Variants in RPS6KA6 observed in about 807,000 individuals in gnomAD.
The protein encoded by RPS6KA6 is ribosomal protein S6 kinase alpha-6.
RPS6KA6 carries 27 observed loss-of-function variants against 65.4 expected under a neutral mutation model. That is an observed-to-expected ratio of 0.41 (90% CI 0.30 to 0.57). RPS6KA6 has a LOEUF of 0.57. Among genes scored for constraint, RPS6KA6 ranks in the 20% least tolerant of loss-of-function variants. The pLI is 0.24. For synonymous variants in RPS6KA6, 190 were observed against 184.2 expected, an observed-to-expected ratio of 1.03 and a Z score of -0.26; for missense variants, 486 against 555.6, an observed-to-expected ratio of 0.87 and a Z score of 1.26.
intron 2 of RPS6KA6, among the ~76,000 whole-genome samples, chrX:84,161,557 A>C (rs2035511649): frequency 9.0e-6 from 1 of 111,657 alleles, no homozygotes; most frequent in African/African-American, 3.2e-5. Flanking sequence ...AAAGACAAAT[A>C]GAGGAAAAAA....
rs772054672 is a variant in RPS6KA6 at position 84,173,724 on chromosome X, G to A, written c.82-9337C>T. On this transcript the variant is annotated intron_variant, in intron 1 of 21. Coordinates refer to ENST00000262752, the MANE Select transcript of RPS6KA6 (RefSeq NM_014496.5). The stretch of plus-strand genomic sequence containing the variant: ...CCAGGCTGCAGTGCAGTGGCAGTGC[G>A]ATCACAGCTCATTGTAACCTCAAAC... 1.7e-3 allele frequency among the ~76,000 whole-genome samples: 193 copies of A among 111,537 alleles called. 1 individual carries two copies. The highest frequency in any genetic ancestry group is 1.7e-3 in the Non-Finnish European group (92 of 53,104).
chrX:84,097,672 A>G, intron 19 of RPS6KA6, 100 bp downstream of exon 19: 1 of 506,287 alleles, frequency 2.0e-6, no homozygotes, highest in African/African-American at 2.4e-5. Context: ...TGTAAATGTC[A>G]TTTTCCTTAA....
chrX:84,156,284 A>G (rs895764193), intron 2 of RPS6KA6, 93 bp from the exon 3 acceptor site: 1 of 485,222 alleles, frequency 2.1e-6, no homozygotes, highest in Non-Finnish European at 3.6e-6. Flanking sequence ...GAAATACCCA[A>G]CTCCCTCAAT....
rs765670476 is a variant in RPS6KA6, at chrX:84,106,355, G to A, written c.1365+10C>T. ...AAAACAAACAAGAAAGCTAGGCTCA[G>A]AGACAATACCTTCACTGCAAATTCC... is the stretch of plus-strand genomic sequence containing the variant. On this transcript the variant is annotated intron_variant, in intron 15 of 21. Coordinates refer to ENST00000262752, the MANE Select transcript of RPS6KA6 (RefSeq NM_014496.5). 5 of 1,199,478 alleles carry A rather than the reference G, an allele frequency of 4.2e-6. No homozygotes were observed. The highest frequency in any genetic ancestry group is 5.6e-6 in the Non-Finnish European group (5 of 889,233).
chrX:84,171,935 C>T (rs1458761803), intron 1 of RPS6KA6, among the ~76,000 whole-genome samples: 1 of 110,833 alleles, frequency 9.0e-6, no homozygotes, highest in Non-Finnish European at 1.9e-5. Context: ...ATGTGGTGTT[C>T]GGTTTTCTGT....
chrX:84,063,888 CT>C lies in RPS6KA6; in HGVS notation c.*388del. The C allele has an allele frequency of 8.8e-6, 1 of 113,620 alleles. No homozygotes were observed. The highest frequency in any genetic ancestry group is 1.8e-5 in the Non-Finnish European group (1 of 54,578). The allele number at this position is 113,620 out of a possible 1,213,427, so 9.4% of individuals were successfully genotyped here. Reference sequence around the variant, plus strand: ...CTTCAGGATCTGATGTTTAAAAATACTAACATTGCTTGTCATTATACTATTA... The same window carrying C: ...CTTCAGGATCTGATGTTTAAAAATACAACATTGCTTGTCATTATACTATTA... On this transcript the variant is annotated 3_prime_UTR_variant, in exon 22 of 22. Transcript: ENST00000262752.
chrX:84,097,197 A>C (rs1290807467), intron 19 of RPS6KA6, among the ~76,000 whole-genome samples: 1 of 111,813 alleles, frequency 8.9e-6, no homozygotes, highest in African/African-American at 3.2e-5. Flanking sequence ...TCACTTCTAA[A>C]TAAAAGTGCT....
chrX:84,063,010 T>C lies in RPS6KA6; in HGVS notation c.*1267A>G, dbSNP rs1174985232. The C allele has an allele frequency of 9.0e-6, 1 of 110,817 alleles. No individual in the cohort carries two copies. The highest frequency in any genetic ancestry group is 1.9e-5 in the Non-Finnish European group (1 of 52,856). 9.1% of individuals were successfully genotyped at this position (110,817 alleles called of 1,213,427 possible). ...CGGTATTTTCTTCAACAACGTGAAATGATTCTTTAGCATTTCATCATTTAG... is the reference window on the plus strand; with the variant it reads ...CGGTATTTTCTTCAACAACGTGAAACGATTCTTTAGCATTTCATCATTTAG... On this transcript the variant is annotated 3_prime_UTR_variant, in exon 22 of 22. Transcript: ENST00000262752.
At chrX:84,078,500 A>G (rs2033709517) in intron 20 of RPS6KA6, among the ~76,000 whole-genome samples, 1 of 112,077 alleles carries the variant, frequency 8.9e-6, no homozygotes, top group Non-Finnish European at 1.9e-5. Flanking sequence ...AGATATTCAT[A>G]GCAGCTTTAT....
At chrX:84,181,740 T>C (rs1279872134) in intron 1 of RPS6KA6, among the ~76,000 whole-genome samples, 1 of 110,212 alleles carries the variant, frequency 9.1e-6, no homozygotes, top group African/African-American at 3.3e-5. Flanking sequence ...CCCAGGTAAA[T>C]ATAACACACA....
rs936781527 is a variant in RPS6KA6, at chrX:84,122,531, A to G, written c.647-2504T>C. Among the ~76,000 whole-genome samples the G allele has an allele frequency of 2.8e-5, 3 of 108,040 alleles. No homozygotes were observed. In the Admixed American group the frequency reaches 3.0e-4, roughly 11 times the overall value. 93.8% of individuals were successfully genotyped at this position (108,040 alleles called of 115,157 possible). A position where few individuals can be genotyped will look rare whatever the true frequency, so the allele number is the denominator to read the frequency against. On this transcript the variant is annotated intron_variant, in intron 8 of 21. Coordinates refer to ENST00000262752, the MANE Select transcript of RPS6KA6 (RefSeq NM_014496.5). ...GTGCTTTTAGTAGAGGCAGGGTTTCACCATGTTGGTCAGGCTGGTCTCGAA... is the reference window on the plus strand; with the variant it reads ...GTGCTTTTAGTAGAGGCAGGGTTTCGCCATGTTGGTCAGGCTGGTCTCGAA...
Position 84,061,718 on chromosome X carries a change from T to G in RPS6KA6, c.*2559A>C, listed in dbSNP as rs746998138. On this transcript the variant is annotated 3_prime_UTR_variant, in exon 22 of 22. Coordinates refer to ENST00000262752, the MANE Select transcript of RPS6KA6 (RefSeq NM_014496.5). ...ATAAAACCCCAAACTGTGCTATCAT[T>G]AAATACTACCAAAAACCATTAACTA... 9 of 111,697 alleles carry G rather than the reference T, an allele frequency of 8.1e-5. No individual in the cohort carries two copies. The highest frequency in any genetic ancestry group is 1.3e-4 in the Non-Finnish European group (7 of 53,034). 9.2% of individuals were successfully genotyped at this position (111,697 alleles called of 1,213,427 possible). A position where few individuals can be genotyped will look rare whatever the true frequency, so the allele number is the denominator to read the frequency against.
chrX:84,164,270 G>A (rs2035563306), intron 2 of RPS6KA6, 58 bp downstream of exon 2: 4 of 878,340 alleles, frequency 4.6e-6, no homozygotes, highest in Non-Finnish European at 5.0e-6. Context: ...TCCTTTCCCT[G>A]TATTCTTTTT....
intron 20 of RPS6KA6, among the ~76,000 whole-genome samples, chrX:84,073,647 C>T (rs1046713567): frequency 9.1e-6 from 1 of 109,815 alleles, no homozygotes; most frequent in Non-Finnish European, 1.9e-5. Flanking sequence ...GATTAATATC[C>T]AGAATATATA....
chrX:84,162,553 T>C (rs1476913924), intron 2 of RPS6KA6, among the ~76,000 whole-genome samples: 1 of 111,854 alleles, frequency 8.9e-6, no homozygotes, highest in African/African-American at 3.2e-5. Flanking sequence ...ATATTTTTAC[T>C]GCCTTTCCAC....
Position 84,104,541 on chromosome X carries a change from T to C in RPS6KA6, c.1572A>G (p.Leu524=), listed in dbSNP as rs1279045428. The C allele has an allele frequency of 6.8e-6, 8 of 1,177,907 alleles. No individual in the cohort carries two copies. Among genetic ancestry groups the C allele is most frequent in the Non-Finnish European group, 9.1e-6 (8 of 877,157 alleles). Residue 524 remains leucine (L), a synonymous_variant, in exon 17 of 22, where the codon CTA becomes CTG. Coordinates refer to ENST00000262752, the MANE Select transcript of RPS6KA6 (RefSeq NM_014496.5). ...AGTCAACTGTCTTACTTATTACATA[T>C]AGTATATCACTAGCCTCCCGTTCCG... is the stretch of plus-strand genomic sequence containing the variant. ...CFSEREASDI[L]YVISKTVDYL...
intron 20 of RPS6KA6, among the ~76,000 whole-genome samples, chrX:84,074,225 C>T (rs2033610844): frequency 9.0e-6 from 1 of 111,572 alleles, no homozygotes; most frequent in Non-Finnish European, 1.9e-5. Flanking sequence ...ATAGATAAAC[C>T]TGGAAGACAT....
chrX:84,086,544 CTT>C (rs200707457), intron 20 of RPS6KA6, among the ~76,000 whole-genome samples: 1 of 108,086 alleles, frequency 9.3e-6, no homozygotes, highest in Non-Finnish European at 1.9e-5. Context: ...TTCAGTTTTT[CTT>C]TTTTTTTGCA....
chrX:84,107,330 G>A (rs1312155694), intron 13 of RPS6KA6, among the ~76,000 whole-genome samples: 4 of 111,219 alleles, frequency 3.6e-5, no homozygotes, highest in African/African-American at 9.8e-5. Flanking sequence ...TATATCTCAC[G>A]TCTTACCTCC....
Sources: gnomAD v4.1 joint callset for allele counts (sites outside exome capture counted in the v4.1 genomes callset) on GRCh38, gnomAD v4.1.1 for gene constraint, MANE v1.5 for transcripts, NCBI Gene and HGNC (gene_info 2026-07-23, HGNC 2026-07-21) for gene names.